ST6GALNAC5: variants seen among roughly 807,000 people sequenced by gnomAD.
ST6GALNAC5 encodes the protein alpha-N-acetylgalactosaminide alpha-2,6-sialyltransferase 5.
A neutral mutation model predicts 33.6 loss-of-function variants in ST6GALNAC5; 27 were observed. The observed-to-expected ratio is 0.80, with a 90% CI of 0.59 to 1.11. The LOEUF (loss-of-function observed/expected upper bound fraction) is 1.11, where lower values mean the gene tolerates loss of function less well. ST6GALNAC5 is among the 50% of genes least tolerant of loss of function. The pLI is 0.00. For synonymous variants in ST6GALNAC5, 194 were observed against 171.2 expected (o/e 1.13, Z -1.04); for missense variants, 428 against 454.0 (o/e 0.94, Z 0.52).
At chr1:76,932,290 G>C (rs1390852853) in intron 2 of ST6GALNAC5, among the ~76,000 whole-genome samples, 2 of 152,114 alleles carry the variant, frequency 1.3e-5, no homozygotes, top group African/African-American at 4.8e-5. Flanking sequence ...AATATGCCGA[G>C]TGGCATCACA....
At chr1:76,886,620 C>A (rs960516750) in intron 2 of ST6GALNAC5, among the ~76,000 whole-genome samples, 1 of 152,126 alleles carries the variant, frequency 6.6e-6, no homozygotes, top group Admixed American at 6.6e-5. Context: ...CTCCTTTGGC[C>A]GTTAGATTGA....
intron 2 of ST6GALNAC5, among the ~76,000 whole-genome samples, chr1:76,982,229 A>G (rs1010932441): frequency 6.6e-6 from 1 of 152,198 alleles, no homozygotes; most frequent in Non-Finnish European, 1.5e-5. Flanking sequence ...CTAAAGGAGT[A>G]TGTTCAAACC....
At position 76,955,260 on chromosome 1, in the gene ST6GALNAC5, G is replaced by C. The variant is rs1647910294; in HGVS notation, c.261+86518G>C. Among the ~76,000 whole-genome samples, 3 of 152,042 alleles carry C rather than the reference G, an allele frequency of 2.0e-5. No homozygotes were observed. In the South Asian group the frequency reaches 6.2e-4, roughly 32 times the overall value. The stretch of plus-strand genomic sequence containing the variant: ...GGCAGAGGTTTGGAGGCCTGTCTGG[G>C]GACCTGACCACTGTCATCTATGTTG... On this transcript the variant is annotated intron_variant, in intron 2 of 4. Coordinates refer to ENST00000477717, the MANE Select transcript of ST6GALNAC5 (RefSeq NM_030965.3).
rs763624813 is a variant in ST6GALNAC5 at position 77,044,386 on chromosome 1, C to T, written c.444C>T (p.Ser148=). ...GCCTGAGGGTCATCGCGCATTCCAG[C>T]ATCCAGAGGATCCTCCGCAACCGCC... ...RTSLRVIAHS[S]IQRILRNRHD... The change falls in exon 3 of 5, where the codon AGC becomes AGT. Residue 148 remains serine, a synonymous_variant. Coordinates refer to ENST00000477717, the MANE Select transcript of ST6GALNAC5 (RefSeq NM_030965.3). The T allele has an allele frequency of 3.7e-6, 6 of 1,613,642 alleles. No individual in the cohort carries two copies. Among genetic ancestry groups the T allele is most frequent in the Non-Finnish European group, 3.4e-6 (4 of 1,179,910 alleles).
At chr1:77,021,757 C>T (rs1427762480) in intron 2 of ST6GALNAC5, among the ~76,000 whole-genome samples, 3 of 152,186 alleles carry the variant, frequency 2.0e-5, no homozygotes, top group Non-Finnish European at 4.4e-5. Context: ...TCCCATCTCC[C>T]TCTCCAATAA....
rs79785794 is a variant in ST6GALNAC5, at chr1:77,026,343, G to A, written c.262-17861G>A. 4.4e-3 allele frequency among the ~76,000 whole-genome samples: 665 copies of A among 152,282 alleles called. 6 individuals carry two copies. Among genetic ancestry groups the A allele is most frequent in the African/African-American group, 0.016 (645 of 41,552 alleles). On this transcript the variant is annotated intron_variant, in intron 2 of 4. Transcript: ENST00000477717. ...CCTCCTCTTTCTCACCTATCCTGCT[G>A]TCTCCATATAAGGGCACAGCACGGC...
chr1:76,970,658 C>G (rs1280246636), intron 2 of ST6GALNAC5, among the ~76,000 whole-genome samples: 5 of 152,062 alleles, frequency 3.3e-5, no homozygotes, highest in Non-Finnish European at 7.4e-5. Flanking sequence ...GGAGAACTTC[C>G]CCAACCTAGA....
chr1:76,961,249 G>A (rs2177192), intron 2 of ST6GALNAC5, among the ~76,000 whole-genome samples: 95 of 152,182 alleles, frequency 6.2e-4, no homozygotes, highest in African/African-American at 2.2e-3. Context: ...TGCCCATAAA[G>A]CACTTTTGGA....
intron 2 of ST6GALNAC5, among the ~76,000 whole-genome samples, chr1:76,934,103 C>T (rs1647172410): frequency 6.6e-6 from 1 of 151,964 alleles, no homozygotes; most frequent in Non-Finnish European, 1.5e-5. Context: ...TCTGAGGTTA[C>T]CTTTGAAACA....
intron 2 of ST6GALNAC5, among the ~76,000 whole-genome samples, chr1:77,034,221 A>G (rs879485259): frequency 2.6e-5 from 4 of 151,990 alleles, no homozygotes; most frequent in Non-Finnish European, 5.9e-5. Context: ...TGCATCTTCC[A>G]GCTTCTGGTG....
At chr1:76,977,964 C>G (rs568229177) in intron 2 of ST6GALNAC5, among the ~76,000 whole-genome samples, 1 of 152,282 alleles carries the variant, frequency 6.6e-6, no homozygotes, top group East Asian at 1.9e-4. Context: ...GTTCTCCTTT[C>G]TCCACATTCT....
At chr1:76,879,776 CA>C (rs1260268646) in intron 2 of ST6GALNAC5, among the ~76,000 whole-genome samples, 1 of 151,856 alleles carries the variant, frequency 6.6e-6, no homozygotes, top group Non-Finnish European at 1.5e-5. Flanking sequence ...TTCCTTCTGG[CA>C]AAAAAGGTCC....
chr1:76,880,612 T>C (rs1376028244), intron 2 of ST6GALNAC5, among the ~76,000 whole-genome samples: 1 of 152,124 alleles, frequency 6.6e-6, no homozygotes, highest in East Asian at 1.9e-4. Context: ...GCATCCAGCA[T>C]GGAAGAAAGA....
At chr1:77,042,001 T>G (rs564874965) in intron 2 of ST6GALNAC5, among the ~76,000 whole-genome samples, 2 of 152,334 alleles carry the variant, frequency 1.3e-5, no homozygotes, top group African/African-American at 4.8e-5. Context: ...GGCATCATGG[T>G]GAATCCCTTT....
In ST6GALNAC5 at chr1:76,868,500, C is replaced by A; in HGVS notation, c.19C>A (p.His7Asn). ...TCTCTCTCCCGCCCGCCCGCAGCGC[C>A]ATGGTCTGGCAGTGTGTTTAGCGCT... MKTLMR[H>N]GLAVCLALTT... Residue 7 changes from histidine to asparagine, a missense_variant, in exon 2 of 5, where the codon CAT becomes AAT. Physicochemically the swap from His to Asn is moderately conservative, Grantham distance 68. Transcript: ENST00000477717. The surrounding 1 kb of genome is among the most constrained non-coding windows in gnomAD (Gnocchi z 4.3). 2 of 1,602,548 alleles carry A rather than the reference C, an allele frequency of 1.2e-6. No individual in the cohort carries two copies. Among genetic ancestry groups the A allele is most frequent in the Non-Finnish European group, 8.5e-7 (1 of 1,172,600 alleles).
chr1:77,014,295 A>T (rs1200834326), intron 2 of ST6GALNAC5, among the ~76,000 whole-genome samples: 1 of 152,190 alleles, frequency 6.6e-6, no homozygotes, highest in Non-Finnish European at 1.5e-5. Flanking sequence ...AAGTGACAGG[A>T]TTCCCCATCA....
rs1646995873 is a variant in ST6GALNAC5, at chr1:76,918,357, CACCTGTAATCCCA to C, written c.261+49618_261+49630del. ...GCTCCAGGCCAGGCGCAGTGACTCACACCTGTAATCCCAACACTTTGGGAGGCCAAGGCAGGCG... is the reference window on the plus strand; with the variant it reads ...GCTCCAGGCCAGGCGCAGTGACTCACACACTTTGGGAGGCCAAGGCAGGCG... On this transcript the variant is annotated intron_variant, in intron 2 of 4. Coordinates refer to ENST00000477717, the MANE Select transcript of ST6GALNAC5 (RefSeq NM_030965.3). Among the ~76,000 whole-genome samples, 3 of 151,796 alleles carry C rather than the reference CACCTGTAATCCCA, an allele frequency of 2.0e-5. No individual in the cohort carries two copies. In the South Asian group the frequency reaches 6.3e-4, roughly 32 times the overall value.
intron 2 of ST6GALNAC5, among the ~76,000 whole-genome samples, chr1:77,006,768 A>T (rs1157224083): frequency 1.3e-5 from 2 of 152,184 alleles, no homozygotes; most frequent in Admixed American, 6.5e-5. Context: ...TTAGCTCACA[A>T]TTATACTGGG....
intron 2 of ST6GALNAC5, among the ~76,000 whole-genome samples, chr1:76,899,551 G>A (rs534075772): frequency 4.1e-4 from 63 of 152,170 alleles, no homozygotes; most frequent in African/African-American, 8.2e-4. Context: ...CAAGGCAGGC[G>A]TCCCTGCGTG....
Sources: gnomAD v4.1 joint callset for allele counts (sites outside exome capture counted in the v4.1 genomes callset) on GRCh38, gnomAD v4.1.1 for gene constraint, Gnocchi (gnomAD v3.1) non-coding constraint, MANE v1.5 for transcripts, NCBI Gene and HGNC (gene_info 2026-07-23, HGNC 2026-07-21) for gene names.